Variants in EIF2D observed in about 807,000 individuals in gnomAD.
The protein encoded by EIF2D is eukaryotic translation initiation factor 2D.
Under a neutral mutation model 77.4 loss-of-function variants are expected in EIF2D, and 56 were observed. The observed-to-expected ratio is 0.72, with a 90% CI of 0.58 to 0.90. The LOEUF (loss-of-function observed/expected upper bound fraction) is 0.90. EIF2D is among the 40% of genes least tolerant of loss of function. The probability of loss-of-function intolerance (pLI) is 0.00; values close to 1 mark genes in which losing one functional copy is unlikely to be tolerated. For missense variants in EIF2D, 574 were observed against 706.5 expected, an observed-to-expected ratio of 0.81 and a Z score of 2.13; for synonymous variants, 230 against 271.0, an observed-to-expected ratio of 0.85 and a Z score of 1.49.
At chr1:206,590,660 G>A (rs1669313211), downstream of EIF2D, among the ~76,000 whole-genome samples, 1 of 152,196 alleles carries the variant, frequency 6.6e-6, no homozygotes, top group African/African-American at 2.4e-5. Flanking sequence ...CCTGATAACA[G>A]ACGGTAGGAG....
rs939822226 is a variant in EIF2D, at chr1:206,592,433, G to A, written c.1685-588C>T. Among the ~76,000 whole-genome samples the A allele has an allele frequency of 6.6e-6, 1 of 152,242 alleles. No individual in the cohort carries two copies. Among genetic ancestry groups the A allele is most frequent in the Admixed American group, 6.5e-5 (1 of 15,286 alleles). On this transcript the variant is annotated intron_variant, in intron 14 of 14. Transcript: ENST00000271764. The surrounding 1 kb of genome is among the most constrained non-coding windows in gnomAD (Gnocchi z 4.7). ...CCCAGGACCCCTGGGCTGGGCCAGTGAGCCTCTGAGGTCAGGTGGGCTTGG... is the reference window on the plus strand; with the variant it reads ...CCCAGGACCCCTGGGCTGGGCCAGTAAGCCTCTGAGGTCAGGTGGGCTTGG...
intron 4 of EIF2D, among the ~76,000 whole-genome samples, chr1:206,605,725 C>G (rs1670175000): frequency 6.6e-6 from 1 of 152,226 alleles, no homozygotes. Flanking sequence ...AAACACTAAA[C>G]TTCTGTATTA....
Position 206,609,390 on chromosome 1 carries a change from A to T in EIF2D, c.317T>A (p.Leu106Gln). 6.2e-7 allele frequency: 1 copy of T among 1,614,210 alleles called. No individual in the cohort carries two copies. Among genetic ancestry groups the T allele is most frequent in the Non-Finnish European group, 8.5e-7 (1 of 1,180,016 alleles). Reference protein sequence around the residue: ...FTTWPLVLEKLVGGADLMLPG... With the variant: ...FTTWPLVLEKQVGGADLMLPG... Reference sequence around the variant, plus strand: ...AATCCTCTTACCTGCTCCCCCTACCAGTTTCTCGAGCACCAGAGGCCATGT... The same window carrying T: ...AATCCTCTTACCTGCTCCCCCTACCTGTTTCTCGAGCACCAGAGGCCATGT... Residue 106 changes from leucine to glutamine, a missense_variant, in exon 3 of 15, where the codon CTG (leucine) becomes CAG (glutamine). Physicochemically the swap from Leu to Gln is moderately radical, Grantham distance 113. Transcript: ENST00000271764.
At chr1:206,577,160 T>G (rs1396535352) in intron 4 of EIF2D, among the ~76,000 whole-genome samples, 1 of 152,134 alleles carries the variant, frequency 6.6e-6, no homozygotes, top group Non-Finnish European at 1.5e-5. Flanking sequence ...TAGCTGCTTT[T>G]GTGCCACAAT....
chr1:206,585,363 C>G, intron 2 of EIF2D: 1 of 1,124,608 alleles, frequency 8.9e-7, no homozygotes, highest in Non-Finnish European at 1.4e-6. Context: ...TGGGTGTTGT[C>G]CTAACTACCT....
chr1:206,602,966 T>A lies in EIF2D; in HGVS notation c.769A>T (p.Ser257Cys), dbSNP rs1211867449. 6.2e-7 allele frequency: 1 copy of A among 1,614,166 alleles called. No homozygotes were observed. The highest frequency in any genetic ancestry group is 1.7e-5 in the Admixed American group (1 of 60,024). ...TRGLNQDSTDSKTLQEQMDEL... is the reference protein window; with the variant it reads ...TRGLNQDSTDCKTLQEQMDEL... ...AGAGTTATACCTTGAAGCGTTTTGC[T>A]ATCTGTGGAGTCTTGGTTCAGGCCC... is the stretch of plus-strand genomic sequence containing the variant. The change falls in exon 6 of 15, where the codon AGC becomes TGC. Residue 257 changes from serine (S) to cysteine (C), a missense_variant. Coordinates refer to ENST00000271764, the MANE Select transcript of EIF2D (RefSeq NM_006893.3).
intron 2 of EIF2D, among the ~76,000 whole-genome samples, chr1:206,582,368 A>G (rs1320617937): frequency 1.3e-5 from 2 of 152,214 alleles, no homozygotes; most frequent in Non-Finnish European, 2.9e-5. Context: ...GAGGAACACA[A>G]TGGGACAGAC....
chr1:206,600,339 TA>T, intron 7 of EIF2D, 31 bp from the exon 8 acceptor site: 2 of 1,605,276 alleles, frequency 1.2e-6, no homozygotes, highest in Non-Finnish European at 1.7e-6. Context: ...CAAATTAAAC[TA>T]ATGAGCAGTC....
At chr1:206,602,019 C>T (rs1018366555) in intron 7 of EIF2D, 3 of 297,500 alleles carry the variant, frequency 1.0e-5, no homozygotes, top group East Asian at 7.2e-5. Context: ...GCAGAGGACA[C>T]GCTGCCCGAT....
intron 2 of EIF2D, chr1:206,585,153 C>A: frequency 2.6e-6 from 4 of 1,568,222 alleles, no homozygotes; most frequent in African/African-American, 1.4e-5. Context: ...CTGGGAAGAG[C>A]TCCCAGCACC....
Position 206,599,321 on chromosome 1 carries a change from A to C in EIF2D, c.1202+142T>G. On this transcript the variant is annotated intron_variant, in intron 10 of 14. Coordinates refer to ENST00000271764, the MANE Select transcript of EIF2D (RefSeq NM_006893.3). This position sits in a 1 kb window ranked among gnomAD's most constrained non-coding sequence, Gnocchi z 4.1. The stretch of plus-strand genomic sequence containing the variant: ...TCCAGAGGAACTTGCCCAGGGAAGA[A>C]GGCTGGAAGCTGGATTTTGGAGAAG... The C allele has an allele frequency of 8.4e-7, 1 of 1,186,178 alleles. No homozygotes were observed. Among genetic ancestry groups the C allele is most frequent in the South Asian group, 1.4e-5 (1 of 69,100 alleles). The allele number at this position is 1,186,178 out of a possible 1,614,324, so 73.5% of individuals were successfully genotyped here. A position where few individuals can be genotyped will look rare whatever the true frequency, so the allele number is the denominator to read the frequency against.
intron 2 of EIF2D, chr1:206,586,266 A>C (rs4240839): frequency 0.66 from 101,998 of 153,714 alleles, 34,057 homozygotes; most frequent in African/African-American, 0.74. Flanking sequence ...GGAAGTCCAA[A>C]TTGCCTTCTG....
chr1:206,599,236 G>T lies in EIF2D; in HGVS notation c.1203-144C>A. On this transcript the variant is annotated intron_variant, in intron 10 of 14. Transcript: ENST00000271764. This position sits in a 1 kb window ranked among gnomAD's most constrained non-coding sequence, Gnocchi z 4.1. The stretch of plus-strand genomic sequence containing the variant: ...TCTTCCCTTTTCCTGACTGAAGTGA[G>T]CATGACCATGTGAAGAATAATTACA... 1 of 885,864 alleles carries T rather than the reference G, an allele frequency of 1.1e-6. No individual in the cohort carries two copies. The highest frequency in any genetic ancestry group is 1.7e-6 in the Non-Finnish European group (1 of 574,380). The allele number at this position is 885,864 out of a possible 1,614,324, so 54.9% of individuals were successfully genotyped here.
In EIF2D at chr1:206,602,462, A is replaced by G. The variant is rs782647279; in HGVS notation, c.785-9T>C. 10 of 1,611,102 alleles carry G rather than the reference A, an allele frequency of 6.2e-6. No individual in the cohort carries two copies. In the East Asian group the frequency reaches 2.0e-4, roughly 32 times the overall value. ...CAGCTCATCCATTTGTTCTGCAGGG[A>G]AAAGACAAGAGCCACATCCTTCCTG... On this transcript the variant is annotated splice_polypyrimidine_tract_variant and intron_variant, in intron 6 of 14. Coordinates refer to ENST00000271764, the MANE Select transcript of EIF2D (RefSeq NM_006893.3).
downstream of EIF2D, among the ~76,000 whole-genome samples, chr1:206,570,704 C>T (rs1668423166): frequency 6.6e-6 from 1 of 152,062 alleles, no homozygotes; most frequent in Admixed American, 6.6e-5. Context: ...TTTCAAGGTT[C>T]ATCCACGTGA....
At chr1:206,572,548 C>T (rs927422361) in intron 5 of EIF2D, 1 of 152,196 alleles carries the variant, frequency 6.6e-6, no homozygotes, top group African/African-American at 2.4e-5. Context: ...CCCTGCATCC[C>T]GAGAAAACCC....
chr1:206,596,087 G>A (rs1669632785), intron 12 of EIF2D, among the ~76,000 whole-genome samples: 1 of 152,294 alleles, frequency 6.6e-6, no homozygotes, highest in Middle Eastern at 3.4e-3. Context: ...ATTCAAAGAT[G>A]GGAACATCAG....
chr1:206,605,552 G>C, intron 4 of EIF2D, 45 bp from the exon 5 acceptor site: 1 of 1,509,290 alleles, frequency 6.6e-7, no homozygotes, highest in East Asian at 2.3e-5. Context: ...AAAATCTATG[G>C]GAAGGGCACA....
rs143066793 is a variant in EIF2D, at chr1:206,584,824, A to T, written c.139-3662T>A. ...GGGTCCAGCTGCCCATGTGGTGTTC[A>T]GATCTGTGGAATCCGGGCAGGGAGG... On this transcript the variant is annotated intron_variant and NMD_transcript_variant, in intron 2 of 5. Transcript: ENST00000472709. The surrounding 1 kb of genome is among the most constrained non-coding windows in gnomAD (Gnocchi z 4.9). The T allele has an allele frequency of 7.9e-5, 69 of 873,370 alleles. No homozygotes were observed. The African/African-American group carries it at 1.2e-3, about 15-fold the overall frequency. 54.1% of individuals were successfully genotyped at this position (873,370 alleles called of 1,614,324 possible).
Sources: allele counts gnomAD v4.1 joint callset (sites outside exome capture counted in the v4.1 genomes callset), GRCh38; gene constraint gnomAD v4.1.1; non-coding constraint Gnocchi (gnomAD v3.1); transcripts MANE v1.5; gene names NCBI Gene and HGNC (gene_info 2026-07-23, HGNC 2026-07-21).